GBF1: variants seen among roughly 807,000 people sequenced by gnomAD.
GBF1 encodes golgi brefeldin A resistant guanine nucleotide exchange factor 1, also known as Golgi-specific brefeldin A-resistance guanine nucleotide exchange factor 1.
A neutral mutation model predicts 210.5 loss-of-function variants in GBF1; 114 were observed. The observed-to-expected ratio is 0.54, with a 90% confidence interval of 0.47 to 0.63. GBF1 has a LOEUF of 0.63. Ranked by LOEUF, GBF1 falls within the 30% of genes least tolerant of loss-of-function variation. GBF1 has a pLI of 0.00. For synonymous variants in GBF1, 850 were observed against 889.2 expected (o/e 0.96, Z 0.78); for missense variants, 1,851 against 2,357.7 (o/e 0.79, Z 4.45).
At chr10:102,241,113 C>T (rs1387802331), upstream of GBF1, among the ~76,000 whole-genome samples, 2 of 152,170 alleles carry the variant, frequency 1.3e-5, no homozygotes, top group African/African-American at 4.8e-5. This position sits in a 1 kb window ranked among gnomAD's most constrained non-coding sequence, Gnocchi z 6.7. Context: ...GGCTTCGTTC[C>T]GGATCCTCTG....
Position 102,316,780 on chromosome 10 carries a change from G to A in GBF1, c.164-27271G>A, listed in dbSNP as rs190863585. Reference sequence around the variant, plus strand: ...TAAAAGCTAGTGTAGTCTATAGTCTGTAAGCAAGACTTTGGATTATTCTTC... The same window carrying A: ...TAAAAGCTAGTGTAGTCTATAGTCTATAAGCAAGACTTTGGATTATTCTTC... On this transcript the variant is annotated intron_variant, in intron 3 of 39. Transcript: ENST00000369983. Among the ~76,000 whole-genome samples the A allele has an allele frequency of 5.0e-4, 76 of 152,340 alleles. 1 individual carries two copies. The East Asian group carries it at 0.012, about 24-fold the overall frequency.
intron 3 of GBF1, among the ~76,000 whole-genome samples, chr10:102,268,651 G>A (rs1490519575): frequency 6.6e-6 from 1 of 152,096 alleles, no homozygotes; most frequent in Admixed American, 6.5e-5. Context: ...TCAAACTCAG[G>A]ACAAGTGCCA....
At position 102,359,452 on chromosome 10, in the gene GBF1, G is replaced by A; in HGVS notation, c.1180+17G>A. The A allele has an allele frequency of 6.2e-7, 1 of 1,602,894 alleles. No individual in the cohort carries two copies. The highest frequency in any genetic ancestry group is 1.3e-5 in the African/African-American group (1 of 74,772). Reference sequence around the variant, plus strand: ...AGAAAGAAGGTGGGTATTCTGGTAGGCTCTGCCAATTCACCTCCCCCATCC... The same window carrying A: ...AGAAAGAAGGTGGGTATTCTGGTAGACTCTGCCAATTCACCTCCCCCATCC... On this transcript the variant is annotated intron_variant, in intron 11 of 39. Coordinates refer to ENST00000369983, the MANE Select transcript of GBF1 (RefSeq NM_001377137.1).
intron 3 of GBF1, among the ~76,000 whole-genome samples, chr10:102,281,605 C>T (rs971188314): frequency 2.0e-5 from 3 of 149,376 alleles, no homozygotes; most frequent in Non-Finnish European, 3.0e-5. Flanking sequence ...TAGACTCATA[C>T]ATAATCTATA....
intron 3 of GBF1, among the ~76,000 whole-genome samples, chr10:102,316,864 T>C (rs1173053429): frequency 1.3e-5 from 2 of 152,180 alleles, no homozygotes; most frequent in Non-Finnish European, 2.9e-5. Flanking sequence ...TAATATTCAC[T>C]GAAGGAGAGG....
chr10:102,302,999 T>A (rs2077520108), intron 3 of GBF1, among the ~76,000 whole-genome samples: 1 of 150,676 alleles, frequency 6.6e-6, no homozygotes, highest in African/African-American at 2.5e-5. Flanking sequence ...TTTTTTTTTT[T>A]TTTTTGGAGA....
rs144540395 is a variant in GBF1, at chr10:102,250,926, C to T, written c.-11+5145C>T. On this transcript the variant is annotated intron_variant, in intron 1 of 39. Coordinates refer to ENST00000369983, the MANE Select transcript of GBF1 (RefSeq NM_001377137.1). ...GAGCCGAGATTGCGCCACTGCACTC[C>T]AGCCTAGACGACAAGAGCGAAACTC... 1.8e-3 allele frequency among the ~76,000 whole-genome samples: 276 copies of T among 151,962 alleles called. 1 individual carries two copies. Among genetic ancestry groups the T allele is most frequent in the African/African-American group, 6.3e-3 (262 of 41,458 alleles).
rs1261673685 is a variant in GBF1 at position 102,368,744 on chromosome 10, G to A, written c.2885G>A (p.Cys962Tyr). The change falls in exon 23 of 40, where the codon TGC becomes TAC. Residue 962 changes from cysteine (C) to tyrosine (Y), a missense_variant. By Grantham distance (194) the Cys-to-Tyr change is radical (BLOSUM62 -2). Coordinates refer to ENST00000369983, the MANE Select transcript of GBF1 (RefSeq NM_001377137.1). ...IQKAISGFRK[C>Y]AMISAHYGLS... ...GATGGGGGGTAACATTACAGGAAGT[G>A]CGCCATGATCTCCGCCCACTATGGC... 6.2e-7 allele frequency: 1 copy of A among 1,610,716 alleles called. No homozygotes were observed. Among genetic ancestry groups the A allele is most frequent in the Admixed American group, 1.7e-5 (1 of 59,988 alleles).
chr10:102,355,915 T>C (rs1245348166), intron 8 of GBF1, among the ~76,000 whole-genome samples: 1 of 152,224 alleles, frequency 6.6e-6, no homozygotes, highest in Admixed American at 6.5e-5. Flanking sequence ...CTTGATCCAG[T>C]TGAGCTCCAG....
Position 102,323,502 on chromosome 10 carries a change from T to A in GBF1, c.164-20549T>A, listed in dbSNP as rs1450867398. The stretch of plus-strand genomic sequence containing the variant: ...CCCTTGTCTTCTTCCTTTTCTTCTT[T>A]TATTCCAGGTAGCTACCCTAGACTT... On this transcript the variant is annotated intron_variant, in intron 3 of 39. Coordinates refer to ENST00000369983, the MANE Select transcript of GBF1 (RefSeq NM_001377137.1). Among the ~76,000 whole-genome samples the A allele has an allele frequency of 2.0e-5, 3 of 152,182 alleles. No homozygotes were observed. In the East Asian group the frequency reaches 5.8e-4, roughly 29 times the overall value.
chr10:102,231,993 C>T, the GBF1 span: 1 of 1,610,812 alleles, frequency 6.2e-7, no homozygotes, highest in South Asian at 1.1e-5. Flanking sequence ...CAGCCGTGCT[C>T]TGGGAGCTGG....
At chr10:102,381,030 T>C in intron 38 of GBF1, 97 bp from the exon 39 acceptor site, 1 of 1,181,118 alleles carries the variant, frequency 8.5e-7, no homozygotes, top group Non-Finnish European at 1.2e-6. Context: ...ATTTATTGTC[T>C]GTGCCCTGGG....
At chr10:102,279,386 C>T (rs1020498296) in intron 3 of GBF1, among the ~76,000 whole-genome samples, 1 of 152,144 alleles carries the variant, frequency 6.6e-6, no homozygotes, top group African/African-American at 2.4e-5. Context: ...AATTTACTCC[C>T]TCTTTTAATA....
the GBF1 span, among the ~76,000 whole-genome samples, chr10:102,235,784 T>C: frequency 1.3e-5 from 2 of 152,192 alleles, no homozygotes; most frequent in Non-Finnish European, 2.9e-5. Flanking sequence ...CAGTGAAGTG[T>C]TTCCCTGGTG....
the GBF1 span, among the ~76,000 whole-genome samples, chr10:102,238,939 G>C: frequency 6.6e-6 from 1 of 152,186 alleles, no homozygotes; most frequent in Non-Finnish European, 1.5e-5. Flanking sequence ...AGCTCTGGAA[G>C]TATGCTGCCC....
intron 3 of GBF1, among the ~76,000 whole-genome samples, chr10:102,285,149 G>A (rs538531340): frequency 1.8e-4 from 28 of 152,308 alleles, no homozygotes; most frequent in Non-Finnish European, 3.8e-4. Flanking sequence ...AGATTTTACA[G>A]ATTTTACAGG....
rs1175664177 is a variant in GBF1, at chr10:102,344,180, T to C, written c.293T>C (p.Ile98Thr). The change falls in exon 4 of 40, where the codon ATA becomes ACA. Residue 98 changes from isoleucine (I) to threonine (T), a missense_variant and splice_region_variant. By Grantham distance (89) the Ile-to-Thr change is moderately conservative (BLOSUM62 -1). Coordinates refer to ENST00000369983, the MANE Select transcript of GBF1 (RefSeq NM_001377137.1). The part of the protein sequence containing the change: ...SVNKFLSYAL[I>T]DPTHEGTAEG... Reference sequence around the variant, plus strand: ...AACAAGTTCCTGTCCTATGCACTCATAGGTAAGAGCTCAGGCTTTGTTGCA... The same window carrying C: ...AACAAGTTCCTGTCCTATGCACTCACAGGTAAGAGCTCAGGCTTTGTTGCA... The C allele has an allele frequency of 2.5e-6, 4 of 1,613,920 alleles. No individual in the cohort carries two copies. The highest frequency in any genetic ancestry group is 1.1e-5 in the South Asian group (1 of 91,074).
intron 3 of GBF1, among the ~76,000 whole-genome samples, chr10:102,269,934 A>C (rs982690322): frequency 1.3e-5 from 2 of 150,498 alleles, no homozygotes; most frequent in African/African-American, 2.5e-5. Context: ...GCTAGAGTGC[A>C]GTGGCGCGAT....
intron 4 of GBF1, among the ~76,000 whole-genome samples, chr10:102,350,715 A>G (rs1406642095): frequency 6.6e-6 from 1 of 152,190 alleles, no homozygotes; most frequent in Non-Finnish European, 1.5e-5. Context: ...TACAAAATCA[A>G]AACTTTGTGG....
Sources: gnomAD v4.1 joint callset for allele counts (sites outside exome capture counted in the v4.1 genomes callset) on GRCh38, gnomAD v4.1.1 for gene constraint, Gnocchi (gnomAD v3.1) non-coding constraint, MANE v1.5 for transcripts, NCBI Gene and HGNC (gene_info 2026-07-23, HGNC 2026-07-21) for gene names.